Variants in ALMS1 observed in about 807,000 individuals in gnomAD.
ALMS1 encodes centrosome-associated protein ALMS1.
Under a neutral mutation model 352.2 loss-of-function variants are expected in ALMS1, and 271 were observed. The ratio of observed to expected loss-of-function variants is 0.77; its 90% CI spans 0.70 to 0.85. ALMS1 has a LOEUF of 0.85. Ranked by LOEUF, ALMS1 falls within the 40% of genes least tolerant of loss-of-function variation. The pLI is 0.00. For synonymous variants in ALMS1, 1,865 were observed against 1,761.2 expected (o/e 1.06, Z -1.48); for missense variants, 5,445 against 4,870.7 (o/e 1.12, Z -3.51).
At chr2:73,461,197 C>A (rs1672192499) in intron 9 of ALMS1, among the ~76,000 whole-genome samples, 1 of 152,242 alleles carries the variant, frequency 6.6e-6, no homozygotes, top group Admixed American at 6.5e-5. Context: ...CCAGGAGGGG[C>A]AGACTGACAC....
At chr2:73,468,175 A>G (rs2103834831) in intron 9 of ALMS1, among the ~76,000 whole-genome samples, 1 of 152,112 alleles carries the variant, frequency 6.6e-6, no homozygotes, top group East Asian at 1.9e-4. Context: ...ATCATAGCAA[A>G]AACTTTATAA....
At position 73,424,918 on chromosome 2, in the gene ALMS1, C is replaced by A; in HGVS notation, c.1237+16C>A. 1 of 1,568,986 alleles carries A rather than the reference C, an allele frequency of 6.4e-7. No individual in the cohort carries two copies. The highest frequency in any genetic ancestry group is 1.2e-5 in the South Asian group (1 of 85,908). ...TATTTAACCAGTAAGTACCCTGATT[C>A]TTTTTCAGATTCATCTGACACAATT... is the stretch of plus-strand genomic sequence containing the variant. On this transcript the variant is annotated intron_variant, in intron 5 of 22. Transcript: ENST00000613296.
chr2:73,541,961 C>G (rs1674193893), intron 12 of ALMS1, among the ~76,000 whole-genome samples: 1 of 152,168 alleles, frequency 6.6e-6, no homozygotes, highest in Non-Finnish European at 1.5e-5. Context: ...TGGTACCATT[C>G]CTTCTGAAAC....
In ALMS1 at chr2:73,474,371, CTGTGTGTGTG is replaced by C. The variant is rs377039331; in HGVS notation, c.7675-15233_7675-15224del. Among the ~76,000 whole-genome samples, 4 of 95,568 alleles carry C rather than the reference CTGTGTGTGTG, an allele frequency of 4.2e-5. No homozygotes were observed. In the East Asian group the frequency reaches 9.5e-4, roughly 23 times the overall value. 62.7% of individuals were successfully genotyped at this position (95,568 alleles called of 152,430 possible). On this transcript the variant is annotated intron_variant, in intron 9 of 22. Transcript: ENST00000613296. ...TTTTACTTTTTAGTGCTTGTTGACT[CTGTGTGTGTG>C]TGTGTGTGTGTGTGTGTGTGTGTGT...
intron 9 of ALMS1, among the ~76,000 whole-genome samples, chr2:73,460,469 T>C (rs1356094348): frequency 6.6e-6 from 1 of 152,176 alleles, no homozygotes; most frequent in Non-Finnish European, 1.5e-5. Context: ...GGAGCCAAGA[T>C]GGCCAAATAG....
At chr2:73,415,930 A>G (rs1364818871) in intron 2 of ALMS1, among the ~76,000 whole-genome samples, 1 of 152,220 alleles carries the variant, frequency 6.6e-6, no homozygotes, top group East Asian at 1.9e-4. Flanking sequence ...AAAAGTATAA[A>G]TGTGATAGGA....
Position 73,452,145 on chromosome 2 carries a change from T to TGG in ALMS1, c.5619_5620insGG (p.Lys1874GlyfsTer4). ...TTGCCAGATCTTACTGAAGTAACTT[T>TGG]GAAAGCAATAGGGGTTCCTGGGCCT... is the stretch of plus-strand genomic sequence containing the variant. On this transcript the variant is annotated frameshift_variant, in exon 8 of 23. Coordinates refer to ENST00000613296, the MANE Select transcript of ALMS1 (RefSeq NM_001378454.1). LOFTEE classifies it high-confidence loss of function. The TGG allele has an allele frequency of 6.2e-7, 1 of 1,609,068 alleles. No homozygotes were observed. The highest frequency in any genetic ancestry group is 8.5e-7 in the Non-Finnish European group (1 of 1,176,710).
chr2:73,601,008 G>C (rs1675672686), intron 18 of ALMS1, 127 bp downstream of exon 18: 1 of 1,396,842 alleles, frequency 7.2e-7, no homozygotes, highest in African/African-American at 1.4e-5. Context: ...ACCTTGTCAG[G>C]TTTTCAGAGT....
chr2:73,485,948 C>T (rs1278884224), intron 9 of ALMS1, among the ~76,000 whole-genome samples: 1 of 152,028 alleles, frequency 6.6e-6, no homozygotes, highest in Non-Finnish European at 1.5e-5. Flanking sequence ...ACGGTGCGCG[C>T]ACCCACTGAC....
At chr2:73,460,885 T>TG (rs1256136280) in intron 9 of ALMS1, among the ~76,000 whole-genome samples, 12 of 152,118 alleles carry the variant, frequency 7.9e-5, no homozygotes, top group African/African-American at 2.7e-4. Context: ...GCAGCGAGGC[T>TG]GGGGGAGGGG....
At chr2:73,565,627 A>G (rs969849724) in intron 15 of ALMS1, among the ~76,000 whole-genome samples, 7 of 152,232 alleles carry the variant, frequency 4.6e-5, no homozygotes, top group Non-Finnish European at 8.8e-5. Flanking sequence ...ATAACTATAT[A>G]GTGAAGAATT....
At chr2:73,555,293 G>T (rs534330675) in intron 13 of ALMS1, among the ~76,000 whole-genome samples, 26 of 152,278 alleles carry the variant, frequency 1.7e-4, no homozygotes, top group Middle Eastern at 6.8e-3. Flanking sequence ...ACAGAATGGT[G>T]ACCCAGAAAC....
chr2:73,597,277 T>C (rs1293244189), intron 16 of ALMS1, among the ~76,000 whole-genome samples: 1 of 152,190 alleles, frequency 6.6e-6, no homozygotes, highest in Non-Finnish European at 1.5e-5. Flanking sequence ...TTATTGATCT[T>C]ATATTCTGCA....
intron 9 of ALMS1, among the ~76,000 whole-genome samples, chr2:73,473,944 GAGAA>G (rs1229462425): frequency 2.7e-5 from 4 of 150,538 alleles, no homozygotes; most frequent in Middle Eastern, 3.4e-3. Context: ...GAGAGAGAGA[GAGAA>G]AGGGGCGGTA....
chr2:73,429,648 C>G (rs2103728373), intron 6 of ALMS1, among the ~76,000 whole-genome samples: 1 of 152,188 alleles, frequency 6.6e-6, no homozygotes, highest in Admixed American at 6.5e-5. Context: ...AGGTTTAAGC[C>G]TTAGATTTCT....
chr2:73,599,619 TA>T, intron 17 of ALMS1, 98 bp downstream of exon 17: 2 of 1,408,094 alleles, frequency 1.4e-6, no homozygotes, highest in Non-Finnish European at 2.0e-6. Context: ...GACATGAAGA[TA>T]AAACTATATC....
At chr2:73,468,480 C>T (rs1393999559) in intron 9 of ALMS1, among the ~76,000 whole-genome samples, 2 of 151,998 alleles carry the variant, frequency 1.3e-5, no homozygotes, top group East Asian at 3.8e-4. Flanking sequence ...CACCACCATC[C>T]GTCTCCAAGA....
chr2:73,422,208 G>A (rs1332188592), intron 3 of ALMS1, among the ~76,000 whole-genome samples: 1 of 152,042 alleles, frequency 6.6e-6, no homozygotes, highest in African/African-American at 2.4e-5. Context: ...ATTCTATAAT[G>A]TCTGACATAA....
At chr2:73,509,047 T>G (rs1673396643) in intron 10 of ALMS1, among the ~76,000 whole-genome samples, 1 of 152,170 alleles carries the variant, frequency 6.6e-6, no homozygotes, top group Non-Finnish European at 1.5e-5. Context: ...TTTCAACCCC[T>G]GTTTTTTTTT....
Sources: allele counts gnomAD v4.1 joint callset (sites outside exome capture counted in the v4.1 genomes callset), GRCh38; gene constraint gnomAD v4.1.1; transcripts MANE v1.5; gene names NCBI Gene and HGNC (gene_info 2026-07-23, HGNC 2026-07-21).